Variants in CEP89 observed in about 807,000 individuals in gnomAD.
CEP89 encodes the protein centrosomal protein 89.
A neutral mutation model predicts 97.6 loss-of-function variants in CEP89; 95 were observed. The observed-to-expected ratio is 0.97, with a 90% confidence interval of 0.82 to 1.15. The LOEUF is 1.15. CEP89 is among the 50% of genes most tolerant of loss of function. The pLI is 0.00. For synonymous variants in CEP89, 354 were observed against 349.1 expected, an observed-to-expected ratio of 1.01 and a Z score of -0.16; for missense variants, 869 against 947.7, an observed-to-expected ratio of 0.92 and a Z score of 1.09.
intron 3 of CEP89, among the ~76,000 whole-genome samples, chr19:32,958,412 T>C (rs886942443): frequency 3.3e-5 from 5 of 152,142 alleles, no homozygotes; most frequent in Non-Finnish European, 7.3e-5. Context: ...AGGCCAGGCA[T>C]AGTGGCTCAC....
Position 32,966,427 on chromosome 19 carries a change from C to G in CEP89, c.79G>C (p.Ala27Pro). The G allele has an allele frequency of 6.4e-7, 1 of 1,562,382 alleles. No homozygotes were observed. The highest frequency in any genetic ancestry group is 8.7e-7 in the Non-Finnish European group (1 of 1,151,724). ...GTGCGTGGCACAGCTGCCTTCGGAGCAACGCTGGCTGCAGGTAAAAGGCCA... is the reference window on the plus strand; with the variant it reads ...GTGCGTGGCACAGCTGCCTTCGGAGGAACGCTGGCTGCAGGTAAAAGGCCA... ...IHGLLPAASV[A>P]PKAAVPRTPP... The change falls in exon 2 of 19, where the codon GCT (alanine) becomes CCT (proline). Residue 27 changes from alanine to proline, a missense_variant. Transcript: ENST00000305768.
At chr19:32,939,988 G>A (rs768051075) in intron 5 of CEP89, 103 bp from the exon 6 acceptor site, 25 of 593,688 alleles carry the variant, frequency 4.2e-5, no homozygotes, top group Non-Finnish European at 6.7e-5. Flanking sequence ...AGAGGAGCTC[G>A]ACAAGGCCCA....
chr19:32,902,472 A>C (rs927407161), intron 14 of CEP89, among the ~76,000 whole-genome samples: 1 of 152,208 alleles, frequency 6.6e-6, no homozygotes, highest in Non-Finnish European at 1.5e-5. Flanking sequence ...AAATACCAAG[A>C]CTTCTGCTTT....
At chr19:32,922,095 C>T (rs183477214) in intron 12 of CEP89, among the ~76,000 whole-genome samples, 85 of 152,252 alleles carry the variant, frequency 5.6e-4, no homozygotes, top group African/African-American at 2.0e-3. Flanking sequence ...GTGCTAGATG[C>T]GGGGCCACAC....
intron 14 of CEP89, among the ~76,000 whole-genome samples, chr19:32,913,180 A>G (rs1970041423): frequency 6.7e-6 from 1 of 149,024 alleles, no homozygotes; most frequent in Non-Finnish European, 1.5e-5. Flanking sequence ...TTAATTATGT[A>G]TGTTTCCTAT....
chr19:32,888,544 T>C (rs984542850), intron 16 of CEP89, among the ~76,000 whole-genome samples: 16 of 151,902 alleles, frequency 1.1e-4, no homozygotes, highest in Non-Finnish European at 2.1e-4. Context: ...CAGGCCAGGC[T>C]TGGTGGTGTG....
chr19:32,926,117 A>G, intron 11 of CEP89, 73 bp downstream of exon 11: 1 of 1,079,928 alleles, frequency 9.3e-7, no homozygotes, highest in East Asian at 2.4e-5. Flanking sequence ...TACATTCAAA[A>G]TGTTTTTATA....
chr19:32,937,477 A>ACCTAGTGT, intron 7 of CEP89, 154 bp downstream of exon 7: 1 of 672,886 alleles, frequency 1.5e-6, no homozygotes, highest in South Asian at 1.8e-5. Context: ...TACGTCCACT[A>ACCTAGTGT]CCTAGTGTTT....
At chr19:32,887,687 A>C in intron 17 of CEP89, 65 bp downstream of exon 17, 2 of 959,056 alleles carry the variant, frequency 2.1e-6, no homozygotes, top group African/African-American at 3.2e-5. Context: ...AAACACAAAA[A>C]TCCACAGCAG....
chr19:32,971,740 A>T, intron 1 of CEP89, 96 bp downstream of exon 1: 1 of 1,252,928 alleles, frequency 8.0e-7, no homozygotes, highest in Non-Finnish European at 1.1e-6. Context: ...CGCCCCCTTG[A>T]CTGGATCTCA....
chr19:32,926,802 T>C, intron 10 of CEP89, 132 bp downstream of exon 10: 1 of 725,208 alleles, frequency 1.4e-6, no homozygotes, highest in Admixed American at 2.4e-5. Context: ...CCTCAACTGA[T>C]CCACCCGCCT....
intron 12 of CEP89, among the ~76,000 whole-genome samples, chr19:32,918,613 C>T (rs1304126570): frequency 1.3e-5 from 2 of 152,166 alleles, no homozygotes; most frequent in African/African-American, 4.8e-5. Flanking sequence ...GAGTAGGAGA[C>T]TCCTATGTGC....
At chr19:32,919,918 T>C (rs769189988) in intron 12 of CEP89, among the ~76,000 whole-genome samples, 7 of 152,220 alleles carry the variant, frequency 4.6e-5, no homozygotes, top group Non-Finnish European at 1.0e-4. Flanking sequence ...AGTGCTGGGA[T>C]TACAGGCGTG....
Position 32,910,265 on chromosome 19 carries a change from C to CAGAGAG in CEP89, c.1565+5066_1565+5071dup, listed in dbSNP as rs71336978. Among the ~76,000 whole-genome samples the CAGAGAG allele has an allele frequency of 6.6e-3, 926 of 140,570 alleles. 8 individuals are homozygous for CAGAGAG. The highest frequency in any genetic ancestry group is 0.028 in the South Asian group (115 of 4,160). 92.2% of individuals were successfully genotyped at this position (140,570 alleles called of 152,430 possible). ...TGGGTGACAGAGCGAGACTCTGCCT[C>CAGAGAG]AGAGAGAGAGAGAGAGAGAGAGAGC... On this transcript the variant is annotated intron_variant, in intron 14 of 18. Coordinates refer to ENST00000305768, the MANE Select transcript of CEP89 (RefSeq NM_032816.5).
intron 9 of CEP89, among the ~76,000 whole-genome samples, chr19:32,930,796 G>T (rs984591537): frequency 6.6e-6 from 1 of 152,174 alleles, no homozygotes; most frequent in African/African-American, 2.4e-5. Context: ...CTTTCCTTTC[G>T]AAGTTAATGC....
intron 18 of CEP89, among the ~76,000 whole-genome samples, chr19:32,879,827 G>A (rs748694701): frequency 2.7e-4 from 41 of 152,296 alleles, no homozygotes; most frequent in African/African-American, 8.2e-4. Flanking sequence ...CCTGTGTCCC[G>A]TCTGCTTGTC....
intron 14 of CEP89, among the ~76,000 whole-genome samples, chr19:32,906,450 T>G (rs1389582437): frequency 6.6e-6 from 1 of 152,242 alleles, no homozygotes; most frequent in Non-Finnish European, 1.5e-5. Context: ...ATGTGCCTTG[T>G]GCCTGATTAT....
intron 3 of CEP89, among the ~76,000 whole-genome samples, chr19:32,955,646 TG>T (rs1418578985): frequency 6.6e-6 from 1 of 152,156 alleles, no homozygotes; most frequent in East Asian, 1.9e-4. Context: ...CCCGAGTAGC[TG>T]GGACTACAGG....
Position 32,936,860 on chromosome 19 carries a change from G to A in CEP89, c.667+771C>T, listed in dbSNP as rs1258219857. ...GACCTGCCTTCAGAGAGGAGCCATC[G>A]ACTCCAGGGGACCTCCTCTCTGCTG... On this transcript the variant is annotated intron_variant, in intron 7 of 18. Coordinates refer to ENST00000305768, the MANE Select transcript of CEP89 (RefSeq NM_032816.5). This position sits in a 1 kb window ranked among gnomAD's most constrained non-coding sequence, Gnocchi z 4.5. Among the ~76,000 whole-genome samples, 2 of 151,888 alleles carry A rather than the reference G, an allele frequency of 1.3e-5. No homozygotes were observed. Among genetic ancestry groups the A allele is most frequent in the African/African-American group, 4.8e-5 (2 of 41,356 alleles).
Sources: gnomAD v4.1 joint callset for allele counts (sites outside exome capture counted in the v4.1 genomes callset) on GRCh38, gnomAD v4.1.1 for gene constraint, Gnocchi (gnomAD v3.1) non-coding constraint, MANE v1.5 for transcripts, NCBI Gene and HGNC (gene_info 2026-07-23, HGNC 2026-07-21) for gene names.